The following BCR variants were observed in gnomAD, a reference collection of about 807,000 sequenced individuals.
BCR encodes the protein BCR activator of RhoGEF and GTPase, also known as breakpoint cluster region protein.
In BCR, 58 loss-of-function variants were observed where a neutral mutation model predicts 138.6. The ratio of observed to expected loss-of-function variants is 0.42; its 90% CI spans 0.34 to 0.52. The LOEUF is 0.52. Among genes scored for constraint, BCR ranks in the 20% least tolerant of loss-of-function variants. BCR has a pLI of 0.06. For synonymous variants in BCR, 786 were observed against 730.1 expected, an observed-to-expected ratio of 1.08 and a Z score of -1.23; for missense variants, 1,599 against 1,727.2, an observed-to-expected ratio of 0.93 and a Z score of 1.32.
intron 3 of BCR, 69 bp downstream of exon 3, chr22:23,261,123 C>A: frequency 6.8e-7 from 1 of 1,471,190 alleles, no homozygotes; most frequent in Non-Finnish European, 9.4e-7. Flanking sequence ...AGCCTCTTTG[C>A]CCTTAAGTCC....
chr22:23,198,729 G>A (rs1688565451), intron 1 of BCR, among the ~76,000 whole-genome samples: 1 of 152,160 alleles, frequency 6.6e-6, no homozygotes, highest in Admixed American at 6.5e-5. Context: ...TATGCACCGG[G>A]CCGAATCGTG....
chr22:23,244,633 G>A (rs1264891415), intron 1 of BCR, among the ~76,000 whole-genome samples: 2 of 152,240 alleles, frequency 1.3e-5, no homozygotes, highest in Non-Finnish European at 2.9e-5. Flanking sequence ...GGCAGGGGCT[G>A]GGTGTGCGGT....
chr22:23,210,667 G>A lies in BCR; in HGVS notation c.1279+28428G>A, dbSNP rs563432290. 1.1e-4 allele frequency among the ~76,000 whole-genome samples: 17 copies of A among 152,264 alleles called. No homozygotes were observed. In the South Asian group the frequency reaches 2.1e-3, roughly 19 times the overall value. ...GGCATTTCTCCTACTTGCAGCCCACGACACCACTGATGTGCTTTCTCCCCT... is the reference window on the plus strand; with the variant it reads ...GGCATTTCTCCTACTTGCAGCCCACAACACCACTGATGTGCTTTCTCCCCT... On this transcript the variant is annotated intron_variant, in intron 1 of 22. Coordinates refer to ENST00000305877, the MANE Select transcript of BCR (RefSeq NM_004327.4).
intron 1 of BCR, among the ~76,000 whole-genome samples, chr22:23,241,174 A>C (rs2073085912): frequency 6.6e-6 from 1 of 152,194 alleles, no homozygotes; most frequent in Non-Finnish European, 1.5e-5. Flanking sequence ...AACCTGCCCC[A>C]GGCATCCTTC....
chr22:23,192,400 C>T (rs5996482), intron 1 of BCR, among the ~76,000 whole-genome samples: 11 of 152,146 alleles, frequency 7.2e-5, no homozygotes, highest in Admixed American at 3.9e-4. Context: ...CTCAGCAAAC[C>T]GGTTTTGGGC....
chr22:23,221,570 A>G (rs776338114), intron 1 of BCR, among the ~76,000 whole-genome samples: 1 of 152,200 alleles, frequency 6.6e-6, no homozygotes, highest in Non-Finnish European at 1.5e-5. Context: ...TGCTGAATGA[A>G]GAGGCCACAC....
At chr22:23,219,005 G>A (rs2072789216) in intron 1 of BCR, among the ~76,000 whole-genome samples, 1 of 63,754 alleles carries the variant, frequency 1.6e-5, no homozygotes, top group South Asian at 7.2e-4. Context: ...CCCTCGTTAT[G>A]GAGCTGAGAA....
chr22:23,303,789 G>A (rs537944080), intron 16 of BCR, among the ~76,000 whole-genome samples: 9 of 152,174 alleles, frequency 5.9e-5, no homozygotes, highest in Admixed American at 5.9e-4. Context: ...AGCCACTTTT[G>A]GACCCTTTAT....
chr22:23,241,059 T>G (rs1460422397), intron 1 of BCR, among the ~76,000 whole-genome samples: 1 of 152,194 alleles, frequency 6.6e-6, no homozygotes, highest in Non-Finnish European at 1.5e-5. Flanking sequence ...ATGTGGCACG[T>G]TCTGGTTTTC....
At chr22:23,311,960 GTTA>G in intron 19 of BCR, 124 bp downstream of exon 19, 1 of 1,453,174 alleles carries the variant, frequency 6.9e-7, no homozygotes. Context: ...CATTTACTGT[GTTA>G]TTATTTTTAA....
rs543950585 is a variant in BCR, at chr22:23,313,577, G to A, written c.3458-391G>A. ...GTCTCTGCGTACTTGGTGGGGCTGGGACCCTCCCACTTCCCACCTCCTTGT... is the reference window on the plus strand; with the variant it reads ...GTCTCTGCGTACTTGGTGGGGCTGGAACCCTCCCACTTCCCACCTCCTTGT... On this transcript the variant is annotated intron_variant, in intron 20 of 22. Transcript: ENST00000305877. Among the ~76,000 whole-genome samples, 21 of 152,264 alleles carry A rather than the reference G, an allele frequency of 1.4e-4. No individual in the cohort carries two copies. The East Asian group carries it at 3.3e-3, about 24-fold the overall frequency.
intron 1 of BCR, among the ~76,000 whole-genome samples, chr22:23,191,536 T>C (rs776273974): frequency 6.6e-6 from 1 of 152,220 alleles, no homozygotes; most frequent in African/African-American, 2.4e-5. Flanking sequence ...TGCAGCTGTT[T>C]CCTGTTAATC....
At chr22:23,298,540 TTCCTTCCC>T (rs2073869941) in intron 16 of BCR, among the ~76,000 whole-genome samples, 1 of 151,748 alleles carries the variant, frequency 6.6e-6, no homozygotes, top group Non-Finnish European at 1.5e-5. Context: ...CTTCCTTCCC[TTCCTTCCC>T]TTCCTTCCTT....
intron 5 of BCR, 45 bp downstream of exon 5, chr22:23,268,560 C>T (rs746614085): frequency 6.8e-7 from 1 of 1,478,858 alleles, no homozygotes; most frequent in East Asian, 2.3e-5. Context: ...CTGACTCCCA[C>T]CTGTACCCTC....
intron 16 of BCR, among the ~76,000 whole-genome samples, chr22:23,298,726 G>A (rs537808833): frequency 5.9e-5 from 9 of 152,218 alleles, no homozygotes; most frequent in African/African-American, 1.9e-4. Flanking sequence ...CTCCTGAATA[G>A]CTGTTATTAC....
intron 1 of BCR, among the ~76,000 whole-genome samples, chr22:23,230,280 T>C (rs2072942023): frequency 6.6e-6 from 1 of 152,194 alleles, no homozygotes; most frequent in South Asian, 2.1e-4. Context: ...AAGGCTGTAG[T>C]GTGCTTTTTC....
At position 23,253,790 on chromosome 22, in the gene BCR, C is replaced by T. The variant is rs202097532; in HGVS notation, c.1280-9C>T. 1.8e-5 allele frequency: 29 copies of T among 1,606,390 alleles called. 1 individual carries two copies. In the Middle Eastern group the frequency reaches 4.9e-4, roughly 27 times the overall value. On this transcript the variant is annotated splice_polypyrimidine_tract_variant and intron_variant, in intron 1 of 22. Transcript: ENST00000305877. ...GTCTCTAACACAGGATGCTTCTTTG[C>T]ACACACAGATGGCTCGTTCGGAACA...
In BCR at chr22:23,311,344, C is replaced by T. The variant is rs552394641; in HGVS notation, c.3183-353C>T. 7.3e-5 allele frequency among the ~76,000 whole-genome samples: 11 copies of T among 150,452 alleles called. No individual in the cohort carries two copies. The East Asian group carries it at 2.0e-3, about 27-fold the overall frequency. On this transcript the variant is annotated intron_variant, in intron 18 of 22. Transcript: ENST00000305877. The stretch of plus-strand genomic sequence containing the variant: ...AGCACGTGGGTGGCAGGACCAACAC[C>T]GGGTCTGACCTCCCAGCCGGGGGTA...
rs547253854 is a variant in BCR, at chr22:23,189,192, C to T, written c.1279+6953C>T. Among the ~76,000 whole-genome samples, 65 of 152,268 alleles carry T rather than the reference C, an allele frequency of 4.3e-4. No homozygotes were observed. In the South Asian group the frequency reaches 0.013, roughly 31 times the overall value. On this transcript the variant is annotated intron_variant, in intron 1 of 22. Coordinates refer to ENST00000305877, the MANE Select transcript of BCR (RefSeq NM_004327.4). ...ATATTATAAGATGCACCATTTTCTCCATTTTTAAGTGTACAGTTCAGTGGC... is the reference window on the plus strand; with the variant it reads ...ATATTATAAGATGCACCATTTTCTCTATTTTTAAGTGTACAGTTCAGTGGC...
Sources: allele counts gnomAD v4.1 joint callset (sites outside exome capture counted in the v4.1 genomes callset), GRCh38; gene constraint gnomAD v4.1.1; transcripts MANE v1.5; gene names NCBI Gene and HGNC (gene_info 2026-07-23, HGNC 2026-07-21).